Variants in TOLLIP observed in about 807,000 individuals in gnomAD.
TOLLIP encodes the protein toll-interacting protein.
In TOLLIP, 16 loss-of-function variants were observed where a neutral mutation model predicts 33.5. The observed-to-expected ratio is 0.48, with a 90% CI of 0.32 to 0.72. The LOEUF is 0.72. Ranked by LOEUF, TOLLIP falls within the 30% of genes least tolerant of loss-of-function variation. The probability of loss-of-function intolerance (pLI) is 0.03; values close to 1 mark genes in which losing one functional copy is unlikely to be tolerated. For synonymous variants in TOLLIP, 176 were observed against 163.7 expected, an observed-to-expected ratio of 1.07 and a Z score of -0.57; for missense variants, 325 against 396.6, an observed-to-expected ratio of 0.82 and a Z score of 1.53.
At chr11:1,297,679 C>T (rs1864151694) in intron 1 of TOLLIP, among the ~76,000 whole-genome samples, 2 of 152,258 alleles carry the variant, frequency 1.3e-5, no homozygotes, top group Non-Finnish European at 2.9e-5. Flanking sequence ...GCTTCACCTC[C>T]GGAGGGTGTG....
At position 1,278,924 on chromosome 11, in the gene TOLLIP, G is replaced by A. The variant is rs1863397840; in HGVS notation, c.611-1671C>T. Among the ~76,000 whole-genome samples, 1 of 152,158 alleles carries A rather than the reference G, an allele frequency of 6.6e-6. No individual in the cohort carries two copies. The highest frequency in any genetic ancestry group is 2.4e-5 in the African/African-American group (1 of 41,438). ...GCGGGCAGGAACTTGGCCATCACCTGTCCCTGCCCATACAGCTCCCCACAG... is the reference window on the plus strand; with the variant it reads ...GCGGGCAGGAACTTGGCCATCACCTATCCCTGCCCATACAGCTCCCCACAG... On this transcript the variant is annotated intron_variant, in intron 5 of 5. Transcript: ENST00000317204. This position sits in a 1 kb window ranked among gnomAD's most constrained non-coding sequence, Gnocchi z 4.7.
chr11:1,308,037 G>A (rs1031061270), intron 1 of TOLLIP, among the ~76,000 whole-genome samples: 1 of 152,294 alleles, frequency 6.6e-6, no homozygotes, highest in African/African-American at 2.4e-5. Context: ...TTGGAGCATC[G>A]TGAAAAAGGA....
At position 1,279,189 on chromosome 11, in the gene TOLLIP, T is replaced by A. The variant is rs1863410618; in HGVS notation, c.611-1936A>T. Among the ~76,000 whole-genome samples the A allele has an allele frequency of 2.6e-5, 4 of 152,310 alleles. No homozygotes were observed. The South Asian group carries it at 8.3e-4, about 32-fold the overall frequency. On this transcript the variant is annotated intron_variant, in intron 5 of 5. Coordinates refer to ENST00000317204, the MANE Select transcript of TOLLIP (RefSeq NM_019009.4). The stretch of plus-strand genomic sequence containing the variant: ...CTGCTCTGCTGACAATGAGGGGATG[T>A]GGCGCCGACTGGCCCTCAAGTGAAT...
intron 1 of TOLLIP, among the ~76,000 whole-genome samples, chr11:1,300,902 G>A (rs1213610912): frequency 6.6e-6 from 1 of 152,212 alleles, no homozygotes; most frequent in Non-Finnish European, 1.5e-5. Context: ...CCTTCTCACC[G>A]TTCCCACCCC....
chr11:1,289,615 G>A (rs1325539176), intron 3 of TOLLIP, among the ~76,000 whole-genome samples: 2 of 151,278 alleles, frequency 1.3e-5, no homozygotes, highest in African/African-American at 2.4e-5. Flanking sequence ...CCAGCGGGGC[G>A]GACACATGCA....
intron 5 of TOLLIP, among the ~76,000 whole-genome samples, chr11:1,281,600 G>A (rs1237299493): frequency 6.6e-6 from 1 of 152,244 alleles, no homozygotes; most frequent in South Asian, 2.1e-4. Flanking sequence ...CGGCTGAAGG[G>A]GCTGGCGAGA....
chr11:1,285,977 G>A (rs752973555), intron 5 of TOLLIP, 25 bp downstream of exon 5: 19 of 1,563,720 alleles, frequency 1.2e-5, no homozygotes, highest in African/African-American at 1.1e-4. Flanking sequence ...CAGGGGAGAG[G>A]CACCCAGGGA....
At position 1,278,228 on chromosome 11, in the gene TOLLIP, C is replaced by A. The variant is rs552154114; in HGVS notation, c.611-975G>T. On this transcript the variant is annotated intron_variant, in intron 5 of 5. Transcript: ENST00000317204. This position sits in a 1 kb window ranked among gnomAD's most constrained non-coding sequence, Gnocchi z 4.7. Reference sequence around the variant, plus strand: ...TGAGGCACAGAGCACAGGCAGCGTGCGCGGGGCTCGGCGACCAGCGAGGCA... The same window carrying A: ...TGAGGCACAGAGCACAGGCAGCGTGAGCGGGGCTCGGCGACCAGCGAGGCA... 1.6e-4 allele frequency among the ~76,000 whole-genome samples: 24 copies of A among 151,602 alleles called. No individual in the cohort carries two copies. The East Asian group carries it at 4.5e-3, about 28-fold the overall frequency.
At chr11:1,283,950 T>C (rs533239567) in intron 5 of TOLLIP, among the ~76,000 whole-genome samples, 10 of 152,328 alleles carry the variant, frequency 6.6e-5, no homozygotes, top group African/African-American at 1.7e-4. Context: ...AGGTTGGCCA[T>C]TGGCCTCCAA....
chr11:1,294,443 A>G lies in TOLLIP; in HGVS notation c.183+1202T>C, dbSNP rs868272344. On this transcript the variant is annotated intron_variant, in intron 2 of 5. Transcript: ENST00000317204. ...TTTCTACGAAAGCCGCGTGGCTCACAGTGTGTCTCCTTTCCCTGCATTTCT... is the reference window on the plus strand; with the variant it reads ...TTTCTACGAAAGCCGCGTGGCTCACGGTGTGTCTCCTTTCCCTGCATTTCT... Among the ~76,000 whole-genome samples, 166 of 97,832 alleles carry G rather than the reference A, an allele frequency of 1.7e-3. 1 individual carries two copies. Among genetic ancestry groups the G allele is most frequent in the African/African-American group, 6.0e-3 (134 of 22,158 alleles). The allele number at this position is 97,832 out of a possible 152,430, so 64.2% of individuals were successfully genotyped here.
In TOLLIP at chr11:1,276,814, C is replaced by T. The variant is rs1403799346; in HGVS notation, c.*225G>A. The T allele has an allele frequency of 5.2e-6, 8 of 1,528,554 alleles. No individual in the cohort carries two copies. Among genetic ancestry groups the T allele is most frequent in the Middle Eastern group, 1.7e-4 (1 of 5,986 alleles). 94.7% of individuals were successfully genotyped at this position (1,528,554 alleles called of 1,614,324 possible). On this transcript the variant is annotated 3_prime_UTR_variant, in exon 6 of 6. Transcript: ENST00000317204. ...CAGGGACAGGAGAGCGCGCTGAGACCTCCCAGCACGAGATGGGAGGGGAGC... is the reference window on the plus strand; with the variant it reads ...CAGGGACAGGAGAGCGCGCTGAGACTTCCCAGCACGAGATGGGAGGGGAGC...
At chr11:1,301,273 T>A (rs1864267092) in intron 1 of TOLLIP, among the ~76,000 whole-genome samples, 1 of 152,224 alleles carries the variant, frequency 6.6e-6, no homozygotes, top group South Asian at 2.1e-4. Context: ...CTGACATCAT[T>A]AGCGATGGGC....
At position 1,307,604 on chromosome 11, in the gene TOLLIP, G is replaced by A. The variant is rs1864452770; in HGVS notation, c.33+1862C>T. Among the ~76,000 whole-genome samples the A allele has an allele frequency of 2.0e-5, 3 of 152,216 alleles. No homozygotes were observed. The South Asian group carries it at 6.2e-4, about 31-fold the overall frequency. On this transcript the variant is annotated intron_variant, in intron 1 of 5. Transcript: ENST00000317204. The stretch of plus-strand genomic sequence containing the variant: ...CAGCAAGGAAGGGGCCATCCTGCCT[G>A]GCCACCATGCCCCCCTGCTCTCCAG...
At chr11:1,287,853 CGCACCCTCTCTGCTGCAGCCTCCCTGCT>C (rs1392630439) in intron 4 of TOLLIP, among the ~76,000 whole-genome samples, 14 of 141,364 alleles carry the variant, frequency 9.9e-5, no homozygotes, top group South Asian at 2.3e-4. Flanking sequence ...GCCTCCCTGC[CGCACCCTCTCTGCTGCAGCCTCCCTGCT>C]GCACCCTCCC....
intron 5 of TOLLIP, among the ~76,000 whole-genome samples, chr11:1,282,902 G>A (rs1223352441): frequency 4.0e-5 from 6 of 151,718 alleles, no homozygotes; most frequent in African/African-American, 1.2e-4. Flanking sequence ...AAACCTGCAC[G>A]TTGTGCACAT....
At chr11:1,300,944 G>T (rs1405267788) in intron 1 of TOLLIP, among the ~76,000 whole-genome samples, 1 of 152,256 alleles carries the variant, frequency 6.6e-6, no homozygotes, top group African/African-American at 2.4e-5. Context: ...GGTGCTGTTT[G>T]TGTCTGTGTG....
At chr11:1,299,007 G>A (rs11042542) in intron 1 of TOLLIP, among the ~76,000 whole-genome samples, 3 of 152,194 alleles carry the variant, frequency 2.0e-5, no homozygotes, top group Non-Finnish European at 4.4e-5. Context: ...GACAGTCATC[G>A]AAAAACCAGG....
In TOLLIP at chr11:1,274,475, G is replaced by A. The variant is rs1478472876; in HGVS notation, c.*2564C>T. The stretch of plus-strand genomic sequence containing the variant: ...ATATTTTACAATCAAAGAAAAATCT[G>A]GACAATGGACCCCAGTAAAATAATC... On this transcript the variant is annotated 3_prime_UTR_variant, in exon 6 of 6. Transcript: ENST00000317204. 1.3e-5 allele frequency: 2 copies of A among 152,172 alleles called. No individual in the cohort carries two copies. Among genetic ancestry groups the A allele is most frequent in the Non-Finnish European group, 2.9e-5 (2 of 68,034 alleles). 9.4% of individuals were successfully genotyped at this position (152,172 alleles called of 1,614,324 possible). A position where few individuals can be genotyped will look rare whatever the true frequency, so the allele number is the denominator to read the frequency against.
At chr11:1,291,731 GC>G in intron 2 of TOLLIP, 1 of 132,100 alleles carries the variant, frequency 7.6e-6, no homozygotes, top group South Asian at 1.6e-4. Flanking sequence ...GGGCACGGCC[GC>G]CCCGTCCTCA....
Sources: gnomAD v4.1 joint callset for allele counts (sites outside exome capture counted in the v4.1 genomes callset) on GRCh38, gnomAD v4.1.1 for gene constraint, Gnocchi (gnomAD v3.1) non-coding constraint, MANE v1.5 for transcripts, NCBI Gene and HGNC (gene_info 2026-07-23, HGNC 2026-07-21) for gene names.